The following BMP6 variants were observed in gnomAD, a reference collection of about 807,000 sequenced individuals.
BMP6 encodes the protein bone morphogenetic protein 6.
Under a neutral mutation model 54.1 loss-of-function variants are expected in BMP6, and 17 were observed. The observed-to-expected ratio is 0.31, with a 90% confidence interval of 0.22 to 0.47. BMP6 has a LOEUF of 0.47. Ranked by LOEUF, BMP6 falls within the 20% of genes least tolerant of loss-of-function variation. The pLI, the probability that BMP6 is intolerant of heterozygous loss-of-function variation, is 1.00. For missense variants in BMP6, 720 were observed against 690.4 expected (o/e 1.04, Z -0.48); for synonymous variants, 328 against 291.2 (o/e 1.13, Z -1.28).
chr6:7,832,512 G>C (rs1450796308), intron 1 of BMP6, among the ~76,000 whole-genome samples: 1 of 152,044 alleles, frequency 6.6e-6, no homozygotes, highest in Non-Finnish European at 1.5e-5. Flanking sequence ...CATTTGTGTT[G>C]TTTGTGAGCC....
In BMP6 at chr6:7,727,124, C is replaced by CCGCCGT. The variant is rs1383397956; in HGVS notation, c.175_180dup (p.Ser59_Pro60dup). The CCGCCGT allele has an allele frequency of 5.9e-6, 9 of 1,525,102 alleles. No homozygotes were observed. Among genetic ancestry groups the CCGCCGT allele is most frequent in the Middle Eastern group, 1.9e-4 (1 of 5,242 alleles). 94.5% of individuals were successfully genotyped at this position (1,525,102 alleles called of 1,614,324 possible). A position where few individuals can be genotyped will look rare whatever the true frequency, so the allele number is the denominator to read the frequency against. ...GAGCCCCGGCCGCACGGAGCAGCCG[C>CCGCCGT]CGCCGTCGCCGCAGTCCTCCTCGGG... On this transcript the variant is annotated inframe_insertion, in exon 1 of 7. Coordinates refer to ENST00000283147, the MANE Select transcript of BMP6 (RefSeq NM_001718.6).
At chr6:7,843,805 A>T (rs545559956) in intron 1 of BMP6, among the ~76,000 whole-genome samples, 1 of 152,284 alleles carries the variant, frequency 6.6e-6, no homozygotes, top group African/African-American at 2.4e-5. Context: ...GACACCTAAA[A>T]TCTGACTGAA....
chr6:7,737,635 CT>C lies in BMP6; in HGVS notation c.664+10027del, dbSNP rs371027110. Among the ~76,000 whole-genome samples the C allele has an allele frequency of 2.1e-3, 312 of 147,074 alleles. 1 individual carries two copies. Among genetic ancestry groups the C allele is most frequent in the South Asian group, 6.1e-3 (28 of 4,610 alleles). ...AGAGTCCCTTTCTGTCTTGCTTTCC[CT>C]TTTTTTTTTTCTCTTCTTTTCCTCC... On this transcript the variant is annotated intron_variant, in intron 1 of 6. Coordinates refer to ENST00000283147, the MANE Select transcript of BMP6 (RefSeq NM_001718.6).
rs572709993 is a variant in BMP6, at chr6:7,810,187, C to T, written c.665-34953C>T. Among the ~76,000 whole-genome samples, 13 of 152,290 alleles carry T rather than the reference C, an allele frequency of 8.5e-5. No individual in the cohort carries two copies. In the South Asian group the frequency reaches 2.7e-3, roughly 32 times the overall value. ...CTGGAGAATAAGAATTGGACATTTG[C>T]TCCAGGCCAATTGTTCATCTTATCG... On this transcript the variant is annotated intron_variant, in intron 1 of 6. Transcript: ENST00000283147.
chr6:7,845,602 G>A (rs149398314), intron 2 of BMP6, among the ~76,000 whole-genome samples: 156 of 152,270 alleles, frequency 1.0e-3, no homozygotes, highest in Non-Finnish European at 1.9e-3. Flanking sequence ...TAATTTATTA[G>A]GGTTAAAATG....
At chr6:7,875,417 C>T (rs1186367427) in intron 4 of BMP6, among the ~76,000 whole-genome samples, 1 of 152,156 alleles carries the variant, frequency 6.6e-6, no homozygotes, top group Non-Finnish European at 1.5e-5. Context: ...GTAGCTTACA[C>T]CTATAATCTC....
intron 1 of BMP6, among the ~76,000 whole-genome samples, chr6:7,746,215 C>T (rs929898366): frequency 3.9e-5 from 6 of 152,092 alleles, no homozygotes; most frequent in African/African-American, 1.2e-4. Context: ...GCACAGTACT[C>T]GGCAGGGGAA....
intron 1 of BMP6, among the ~76,000 whole-genome samples, chr6:7,771,485 G>C (rs1581240722): frequency 6.6e-6 from 1 of 152,192 alleles, no homozygotes; most frequent in Non-Finnish European, 1.5e-5. Context: ...GGTAATTGCT[G>C]TCATTATCCC....
chr6:7,881,516 CTT>C lies in BMP6; in HGVS notation c.*1176_*1177del, dbSNP rs201060827. The C allele has an allele frequency of 1.3e-5, 2 of 151,742 alleles. No individual in the cohort carries two copies. The highest frequency in any genetic ancestry group is 4.9e-5 in the African/African-American group (2 of 41,154). 9.4% of individuals were successfully genotyped at this position (151,742 alleles called of 1,614,324 possible). A position where few individuals can be genotyped will look rare whatever the true frequency, so the allele number is the denominator to read the frequency against. ...CTGTAACATTGAAGGAAAGACCAGA[CTT>C]TTAAAAAAAAAGAGTTTATTTAGAA... On this transcript the variant is annotated 3_prime_UTR_variant, in exon 7 of 7. Coordinates refer to ENST00000283147, the MANE Select transcript of BMP6 (RefSeq NM_001718.6).
At chr6:7,802,660 A>G (rs1355930396) in intron 1 of BMP6, among the ~76,000 whole-genome samples, 4 of 152,216 alleles carry the variant, frequency 2.6e-5, no homozygotes, top group Non-Finnish European at 5.9e-5. Context: ...TGCCATCAGC[A>G]ACAACCTATG....
At chr6:7,795,168 T>G (rs939338523) in intron 1 of BMP6, among the ~76,000 whole-genome samples, 29 of 152,098 alleles carry the variant, frequency 1.9e-4, no homozygotes, top group African/African-American at 7.0e-4. Flanking sequence ...TGAAGCATAG[T>G]CCCCATGTCT....
At chr6:7,807,569 G>A (rs935736173) in intron 1 of BMP6, among the ~76,000 whole-genome samples, 6 of 152,134 alleles carry the variant, frequency 3.9e-5, no homozygotes, top group African/African-American at 1.2e-4. Context: ...CTGAGCCCAC[G>A]CGCCCGGCCG....
chr6:7,827,434 G>A (rs141835402), intron 1 of BMP6, among the ~76,000 whole-genome samples: 118 of 152,338 alleles, frequency 7.7e-4, no homozygotes, highest in African/African-American at 2.7e-3. Flanking sequence ...TTGAATTAGA[G>A]GAGGGAGAGA....
chr6:7,822,396 C>T (rs769730024), intron 1 of BMP6, among the ~76,000 whole-genome samples: 8 of 152,172 alleles, frequency 5.3e-5, no homozygotes, highest in Non-Finnish European at 1.2e-4. Context: ...TCTCTGTCAT[C>T]TTTGTGCAGT....
At chr6:7,802,732 C>T (rs1758289376) in intron 1 of BMP6, among the ~76,000 whole-genome samples, 1 of 152,216 alleles carries the variant, frequency 6.6e-6, no homozygotes, top group Admixed American at 6.5e-5. Context: ...TGGACTGAGA[C>T]TTGTCCTTTG....
At chr6:7,865,142 C>G (rs1374980750) in intron 4 of BMP6, among the ~76,000 whole-genome samples, 1 of 152,168 alleles carries the variant, frequency 6.6e-6, no homozygotes, top group Non-Finnish European at 1.5e-5. Context: ...TTGATTTTAG[C>G]AATATCAACC....
intron 1 of BMP6, among the ~76,000 whole-genome samples, chr6:7,808,708 G>GT (rs1758389141): frequency 1.3e-5 from 2 of 152,134 alleles, no homozygotes; most frequent in South Asian, 2.1e-4. Context: ...GAGTACAGGA[G>GT]TTTGAGACCA....
At chr6:7,764,152 C>T (rs1179508119) in intron 1 of BMP6, among the ~76,000 whole-genome samples, 1 of 152,136 alleles carries the variant, frequency 6.6e-6, no homozygotes, top group Non-Finnish European at 1.5e-5. Flanking sequence ...CAGGAGAGGC[C>T]ATTCTGTGTT....
At chr6:7,780,656 G>T (rs1377181298) in intron 1 of BMP6, among the ~76,000 whole-genome samples, 1 of 151,962 alleles carries the variant, frequency 6.6e-6, no homozygotes, top group Non-Finnish European at 1.5e-5. Context: ...CTTAGTAAGG[G>T]ATCAATATAT....
Sources: gnomAD v4.1 joint callset for allele counts (sites outside exome capture counted in the v4.1 genomes callset) on GRCh38, gnomAD v4.1.1 for gene constraint, MANE v1.5 for transcripts, NCBI Gene and HGNC (gene_info 2026-07-23, HGNC 2026-07-21) for gene names.